Variants in CDH13 observed in about 807,000 individuals in gnomAD.
CDH13 encodes cadherin-13.
A neutral mutation model predicts 63.8 loss-of-function variants in CDH13; 24 were observed. That is an observed-to-expected ratio of 0.38 (90% CI 0.27 to 0.53). The LOEUF is 0.53. Among genes scored for constraint, CDH13 ranks in the 20% least tolerant of loss-of-function variants. The probability of loss-of-function intolerance (pLI) is 0.85; values close to 1 mark genes in which losing one functional copy is unlikely to be tolerated. For missense variants in CDH13, 1,049 were observed against 903.1 expected (o/e 1.16, Z -2.07); for synonymous variants, 503 against 355.3 (o/e 1.42, Z -4.67).
At chr16:83,023,299 T>TACCC (rs1220601527) in intron 2 of CDH13, among the ~76,000 whole-genome samples, 7 of 143,808 alleles carry the variant, frequency 4.9e-5, no homozygotes, top group African/African-American at 1.8e-4. Flanking sequence ...GTGTTTTCAC[T>TACCC]ACCCCCCGAC....
intron 6 of CDH13, among the ~76,000 whole-genome samples, chr16:83,457,332 A>G (rs913925029): frequency 2.0e-5 from 3 of 152,074 alleles, no homozygotes; most frequent in Non-Finnish European, 2.9e-5. Flanking sequence ...CTGTGTTAGT[A>G]TTGATCACCA....
At chr16:83,322,236 T>C (rs568564550) in intron 5 of CDH13, among the ~76,000 whole-genome samples, 1 of 152,240 alleles carries the variant, frequency 6.6e-6, no homozygotes, top group East Asian at 1.9e-4. Flanking sequence ...GGCTGGTGTC[T>C]CTCTGGAGCA....
At chr16:83,453,525 A>G (rs758503599) in intron 6 of CDH13, among the ~76,000 whole-genome samples, 7 of 152,206 alleles carry the variant, frequency 4.6e-5, no homozygotes, top group Non-Finnish European at 8.8e-5. Flanking sequence ...TAATAAAATC[A>G]TAGTTGCCTT....
chr16:83,400,721 G>A (rs996909877), intron 6 of CDH13, among the ~76,000 whole-genome samples: 2 of 151,706 alleles, frequency 1.3e-5, no homozygotes, highest in South Asian at 4.2e-4. Context: ...AATGCAAGAT[G>A]GTACATAGAA....
intron 1 of CDH13, among the ~76,000 whole-genome samples, chr16:82,750,234 G>T (rs991902889): frequency 6.6e-6 from 1 of 152,074 alleles, no homozygotes. Context: ...CCAGAAATAA[G>T]AATATCTTTA....
chr16:82,926,339 C>T (rs1401083153), intron 2 of CDH13, among the ~76,000 whole-genome samples: 1 of 151,888 alleles, frequency 6.6e-6, no homozygotes, highest in Admixed American at 6.6e-5. Context: ...AGATCTCTTG[C>T]ATGAGGCTTT....
chr16:83,747,461 T>C (rs765165188), intron 10 of CDH13, among the ~76,000 whole-genome samples: 11 of 152,204 alleles, frequency 7.2e-5, no homozygotes, highest in Non-Finnish European at 2.9e-5. Context: ...CTTAGCCACA[T>C]GGAACTGTGA....
intron 7 of CDH13, among the ~76,000 whole-genome samples, chr16:83,512,225 G>A (rs1002583265): frequency 1.3e-5 from 2 of 151,130 alleles, no homozygotes; most frequent in Non-Finnish European, 2.9e-5. Flanking sequence ...GGAGTTTGAG[G>A]CAGGAGAATG....
rs140777030 is a variant in CDH13, at chr16:83,026,919, C to T, written c.158-5091C>T. On this transcript the variant is annotated intron_variant, in intron 2 of 13. Coordinates refer to ENST00000567109, the MANE Select transcript of CDH13 (RefSeq NM_001257.5). ...TGAGCTAGGTCAGAGCTAAGCAGAG[C>T]GGCTGAGTGCCATTCTAAATGGATA... Among the ~76,000 whole-genome samples the T allele has an allele frequency of 1.0e-3, 159 of 152,264 alleles. 1 individual carries two copies. Among genetic ancestry groups the T allele is most frequent in the Non-Finnish European group, 1.3e-3 (87 of 68,026 alleles).
chr16:83,486,164 C>A lies in CDH13; in HGVS notation c.782-313C>A, dbSNP rs990415050. Among the ~76,000 whole-genome samples the A allele has an allele frequency of 3.1e-5, 4 of 127,468 alleles. No individual in the cohort carries two copies. The South Asian group carries it at 9.8e-4, about 31-fold the overall frequency. 83.6% of individuals were successfully genotyped at this position (127,468 alleles called of 152,430 possible). On this transcript the variant is annotated intron_variant, in intron 6 of 13. Transcript: ENST00000567109. ...TCTAAAAAAATGAATGTCCCTGTCACAAAGCCACATCCACAGTGGAATGAA... is the reference window on the plus strand; with the variant it reads ...TCTAAAAAAATGAATGTCCCTGTCAAAAAGCCACATCCACAGTGGAATGAA...
intron 11 of CDH13, among the ~76,000 whole-genome samples, chr16:83,778,380 A>G (rs1915267380): frequency 6.6e-6 from 1 of 152,150 alleles, no homozygotes. Flanking sequence ...AAATACAAAA[A>G]TTAGCTGGAC....
At chr16:83,579,344 AAG>A (rs1905330024) in intron 7 of CDH13, among the ~76,000 whole-genome samples, 1 of 152,194 alleles carries the variant, frequency 6.6e-6, no homozygotes, top group South Asian at 2.1e-4. Flanking sequence ...ATATAAAGAA[AAG>A]AGGTTTAATT....
intron 2 of CDH13, among the ~76,000 whole-genome samples, chr16:82,988,440 G>C (rs1408213222): frequency 6.6e-6 from 1 of 151,984 alleles, no homozygotes; most frequent in African/African-American, 2.4e-5. Flanking sequence ...GAACGTGGAA[G>C]CTTCTAGAAG....
chr16:83,701,793 C>A (rs1441934340), intron 10 of CDH13, among the ~76,000 whole-genome samples: 4 of 152,200 alleles, frequency 2.6e-5, no homozygotes, highest in African/African-American at 9.7e-5. Context: ...CGCACATCAG[C>A]CCTTCTCTGT....
intron 1 of CDH13, among the ~76,000 whole-genome samples, chr16:82,687,868 G>A (rs1411000569): frequency 6.6e-6 from 1 of 152,046 alleles, no homozygotes; most frequent in African/African-American, 2.4e-5. Context: ...GCAGAGCCAG[G>A]GCAAACCGTC....
chr16:83,062,202 C>G (rs1415062708), intron 3 of CDH13, among the ~76,000 whole-genome samples: 1 of 152,208 alleles, frequency 6.6e-6, no homozygotes, highest in Non-Finnish European at 1.5e-5. Context: ...AATATCACCT[C>G]TTCAGAGAAG....
At chr16:83,564,253 C>G (rs1449703512) in intron 7 of CDH13, among the ~76,000 whole-genome samples, 1 of 151,928 alleles carries the variant, frequency 6.6e-6, no homozygotes, top group Non-Finnish European at 1.5e-5. Flanking sequence ...AGCTCAAAAT[C>G]TAGCAAGAAA....
chr16:83,582,055 A>G (rs1229386539), intron 7 of CDH13, among the ~76,000 whole-genome samples: 1 of 152,100 alleles, frequency 6.6e-6, no homozygotes, highest in African/African-American at 2.4e-5. Context: ...GAATTAATGG[A>G]TGACCCCTCT....
intron 2 of CDH13, among the ~76,000 whole-genome samples, chr16:82,941,685 A>C (rs1460886018): frequency 2.0e-5 from 3 of 152,134 alleles, no homozygotes; most frequent in Non-Finnish European, 4.4e-5. Context: ...TGTTGCTTGT[A>C]CCGAGCTCTC....
Sources: gnomAD v4.1 joint callset for allele counts (sites outside exome capture counted in the v4.1 genomes callset) on GRCh38, gnomAD v4.1.1 for gene constraint, MANE v1.5 for transcripts, NCBI Gene and HGNC (gene_info 2026-07-23, HGNC 2026-07-21) for gene names.